Variants in SORL1 observed in about 807,000 individuals in gnomAD.
SORL1 encodes the protein sortilin related receptor 1.
A neutral mutation model predicts 273.7 loss-of-function variants in SORL1; 127 were observed. That is an observed-to-expected ratio of 0.46 (90% CI 0.40 to 0.54). The LOEUF is 0.54. SORL1 is among the 20% of genes least tolerant of loss of function. SORL1 has a pLI of 0.00. For synonymous variants in SORL1, 1,031 were observed against 1,067.4 expected, an observed-to-expected ratio of 0.97 and a Z score of 0.66; for missense variants, 2,494 against 2,846.1, an observed-to-expected ratio of 0.88 and a Z score of 2.81.
At chr11:121,468,630 AGGC>A (rs1861123679) in intron 1 of SORL1, among the ~76,000 whole-genome samples, 1 of 152,138 alleles carries the variant, frequency 6.6e-6, no homozygotes, top group Non-Finnish European at 1.5e-5. Flanking sequence ...CGTATTGGCC[AGGC>A]GGGTCTTGAA....
In SORL1 at chr11:121,514,198, T is replaced by G; in HGVS notation, c.1088T>G (p.Val363Gly). 1.2e-6 allele frequency: 2 copies of G among 1,614,216 alleles called. No individual in the cohort carries two copies. Among genetic ancestry groups the G allele is most frequent in the South Asian group, 2.2e-5 (2 of 91,080 alleles). ...TCCGAGGACCAGGTGTTTGTGTGTG[T>G]CAGCCACAGTAACAACCGCACCAAT... ...DASEDQVFVC[V>G]SHSNNRTNLY... Residue 363 changes from valine to glycine, a missense_variant, in exon 8 of 48, where the codon GTC (valine) becomes GGC (glycine). By Grantham distance (109) the Val-to-Gly change is moderately radical. Around this residue, in one of 3 missense-constraint regions of SORL1, gnomAD observed 710 missense variants for 882.5 expected, o/e 0.80. Transcript: ENST00000260197.
Position 121,550,478 on chromosome 11 carries a change from G to T in SORL1, c.2181-107G>T. 1 of 890,098 alleles carries T rather than the reference G, an allele frequency of 1.1e-6. No individual in the cohort carries two copies. The allele number at this position is 890,098 out of a possible 1,614,324, so 55.1% of individuals were successfully genotyped here. ...TCTTTCTAGTTCTAAAGAGAAATGA[G>T]TGGATGGACTCTACTGGCCGTGGGT... On this transcript the variant is annotated intron_variant, in intron 15 of 47. Coordinates refer to ENST00000260197, the MANE Select transcript of SORL1 (RefSeq NM_003105.6). This position sits in a 1 kb window ranked among gnomAD's most constrained non-coding sequence, Gnocchi z 5.3.
chr11:121,560,907 T>A (rs1862662688), intron 21 of SORL1, among the ~76,000 whole-genome samples: 1 of 152,192 alleles, frequency 6.6e-6, no homozygotes. Flanking sequence ...TGGCCTTTTG[T>A]TGCAATTCTG....
At chr11:121,545,146 C>T (rs971030644) in intron 13 of SORL1, 97 bp from the exon 14 acceptor site, 6 of 1,116,058 alleles carry the variant, frequency 5.4e-6, no homozygotes, top group Non-Finnish European at 7.9e-6. Context: ...AACAGATAGA[C>T]AGGAAGTGGG....
chr11:121,512,956 A>G, intron 6 of SORL1, 47 bp from the exon 7 acceptor site: 2 of 1,268,362 alleles, frequency 1.6e-6, no homozygotes, highest in South Asian at 1.2e-5. Context: ...CTTTTGAATG[A>G]CTGTAATGTG....
chr11:121,629,812 G>A lies in SORL1; in HGVS notation c.*249G>A, dbSNP rs1863849682. The A allele has an allele frequency of 2.2e-6, 1 of 458,254 alleles. No homozygotes were observed. The highest frequency in any genetic ancestry group is 3.9e-6 in the Non-Finnish European group (1 of 258,288). 28.4% of individuals were successfully genotyped at this position (458,254 alleles called of 1,614,324 possible). On this transcript the variant is annotated 3_prime_UTR_variant, in exon 48 of 48. Transcript: ENST00000260197. The stretch of plus-strand genomic sequence containing the variant: ...ATTTGACATTAATGTAGTCTTACAG[G>A]GCTGTGCTTGCTGGGCATGCTTTTA...
chr11:121,625,569 T>G (rs1863784774), intron 46 of SORL1, among the ~76,000 whole-genome samples: 1 of 152,214 alleles, frequency 6.6e-6, no homozygotes, highest in South Asian at 2.1e-4. Context: ...GAGTTTCATT[T>G]GTTTTTTGTG....
intron 6 of SORL1, among the ~76,000 whole-genome samples, chr11:121,505,979 G>T (rs1861780567): frequency 6.6e-6 from 1 of 152,152 alleles, no homozygotes; most frequent in African/African-American, 2.4e-5. Flanking sequence ...GGCTGATGGT[G>T]ATGTTCAGTT....
At position 121,595,434 on chromosome 11, in the gene SORL1, G is replaced by T. The variant is rs1863277870; in HGVS notation, c.4370-189G>T. On this transcript the variant is annotated intron_variant, in intron 31 of 47. Transcript: ENST00000260197. The surrounding 1 kb of genome is among the most constrained non-coding windows in gnomAD (Gnocchi z 5.1). ...AAACAATCTCTTGACTGTGGCTTTA[G>T]TGGGATCCTGTGGGGAAGCAACATT... 6.6e-6 allele frequency among the ~76,000 whole-genome samples: 1 copy of T among 152,122 alleles called. No individual in the cohort carries two copies.
At chr11:121,529,117 A>T (rs1471073345) in intron 11 of SORL1, among the ~76,000 whole-genome samples, 13 of 152,218 alleles carry the variant, frequency 8.5e-5, no homozygotes. Flanking sequence ...TTTTATCATT[A>T]TGAACTATCT....
At chr11:121,468,657 G>A (rs989054055) in intron 1 of SORL1, among the ~76,000 whole-genome samples, 2 of 152,142 alleles carry the variant, frequency 1.3e-5, no homozygotes, top group Non-Finnish European at 2.9e-5. Flanking sequence ...CTGACCTCAG[G>A]TGATCTGCCC....
At chr11:121,599,135 T>C (rs1470084522) in intron 32 of SORL1, among the ~76,000 whole-genome samples, 2 of 152,256 alleles carry the variant, frequency 1.3e-5, no homozygotes, top group Non-Finnish European at 2.9e-5. Context: ...GATTTCTCTC[T>C]GTCCAGAACA....
chr11:121,608,308 C>T (rs753587458), intron 38 of SORL1, 132 bp downstream of exon 38: 22 of 748,560 alleles, frequency 2.9e-5, no homozygotes, highest in Middle Eastern at 6.2e-4. Flanking sequence ...CCCCAACACA[C>T]GCACATTTTT....
intron 1 of SORL1, 105 bp from the exon 2 acceptor site, chr11:121,469,902 G>A: frequency 1.2e-6 from 1 of 862,422 alleles, no homozygotes; most frequent in Non-Finnish European, 1.9e-6. Flanking sequence ...TTAGATGGCA[G>A]AATCTTCATC....
Position 121,627,408 on chromosome 11 carries a change from A to G in SORL1, c.6365-147A>G, listed in dbSNP as rs1863811499. 1 of 670,470 alleles carries G rather than the reference A, an allele frequency of 1.5e-6. No homozygotes were observed. The highest frequency in any genetic ancestry group is 1.8e-5 in the African/African-American group (1 of 55,930). The allele number at this position is 670,470 out of a possible 1,614,324, so 41.5% of individuals were successfully genotyped here. Reference sequence around the variant, plus strand: ...GTGGGGAAGCAATCAGGCATCACGCACATGCAGAAACGTCTCACACCAGAC... The same window carrying G: ...GTGGGGAAGCAATCAGGCATCACGCGCATGCAGAAACGTCTCACACCAGAC... On this transcript the variant is annotated intron_variant, in intron 46 of 47. Transcript: ENST00000260197. The surrounding 1 kb of genome is among the most constrained non-coding windows in gnomAD (Gnocchi z 4.9).
chr11:121,468,130 C>T (rs907567770), intron 1 of SORL1, among the ~76,000 whole-genome samples: 1 of 151,952 alleles, frequency 6.6e-6, no homozygotes, highest in Non-Finnish European at 1.5e-5. Flanking sequence ...GGGGAGGAAG[C>T]GAGAGAAGGA....
chr11:121,460,163 G>T (rs1183446341), intron 1 of SORL1, among the ~76,000 whole-genome samples: 1 of 152,076 alleles, frequency 6.6e-6, no homozygotes, highest in East Asian at 1.9e-4. Flanking sequence ...CCTTTCTGGG[G>T]GTTTTTTAAA....
At chr11:121,524,483 G>C (rs962270018) in intron 11 of SORL1, among the ~76,000 whole-genome samples, 1 of 152,208 alleles carries the variant, frequency 6.6e-6, no homozygotes, top group African/African-American at 2.4e-5. Flanking sequence ...AACTAACTTG[G>C]GGATGAAAAG....
chr11:121,561,309 A>G (rs961103783), intron 21 of SORL1, among the ~76,000 whole-genome samples: 1 of 152,194 alleles, frequency 6.6e-6, no homozygotes, highest in African/African-American at 2.4e-5. Flanking sequence ...CACAGCTGAC[A>G]TGCAGTCACA....
Sources: allele counts gnomAD v4.1 joint callset (sites outside exome capture counted in the v4.1 genomes callset), GRCh38; gene constraint gnomAD v4.1.1; regional missense constraint gnomAD v4.1.1; non-coding constraint Gnocchi (gnomAD v3.1); transcripts MANE v1.5; gene names NCBI Gene and HGNC (gene_info 2026-07-23, HGNC 2026-07-21).